The following PLA2G6 variants were observed in gnomAD, a reference collection of about 807,000 sequenced individuals.
The protein encoded by PLA2G6 is phospholipase A2 group VI.
In PLA2G6, 62 loss-of-function variants were observed where a neutral mutation model predicts 83.8. The observed-to-expected ratio is 0.74, with a 90% confidence interval of 0.60 to 0.91. The LOEUF is 0.91. PLA2G6 is among the 40% of genes least tolerant of loss of function. The probability of loss-of-function intolerance (pLI) is 0.00; values close to 1 mark genes in which losing one functional copy is unlikely to be tolerated. For synonymous variants in PLA2G6, 417 were observed against 449.8 expected, an observed-to-expected ratio of 0.93 and a Z score of 0.92; for missense variants, 944 against 1,102.0, an observed-to-expected ratio of 0.86 and a Z score of 2.03.
intron 2 of PLA2G6, 107 bp downstream of exon 2, chr22:38,169,111 C>T: frequency 1.1e-6 from 1 of 874,838 alleles, no homozygotes; most frequent in Non-Finnish European, 1.9e-6. Context: ...CTCTCCAGAC[C>T]CCTCAGACAG....
chr22:38,179,709 G>A (rs1013170988), intron 1 of PLA2G6, among the ~76,000 whole-genome samples: 4 of 152,194 alleles, frequency 2.6e-5, no homozygotes, highest in Non-Finnish European at 5.9e-5. Context: ...GGAGGTGGAG[G>A]TTGCAGTGAG....
At chr22:38,127,770 C>T (rs565107316) in intron 9 of PLA2G6, among the ~76,000 whole-genome samples, 1 of 152,334 alleles carries the variant, frequency 6.6e-6, no homozygotes, top group Admixed American at 6.5e-5. Context: ...AAGGAATGCA[C>T]CGGGGCAGAT....
In PLA2G6 at chr22:38,123,167, C is replaced by T; in HGVS notation, c.1519G>A (p.Ala507Thr). ...LIAIEKASGV[A>T]TKDLFDWVAG... Reference sequence around the variant, plus strand: ...ACCCAGTCAAACAGGTCCTTGGTGGCCACACCCGAGGCCTTCTCGATGGCG... The same window carrying T: ...ACCCAGTCAAACAGGTCCTTGGTGGTCACACCCGAGGCCTTCTCGATGGCG... The change falls in exon 11 of 17, where the codon GCC (alanine) becomes ACC (threonine). Residue 507 changes from alanine to threonine, a missense_variant. By Grantham distance (58) the Ala-to-Thr change is moderately conservative (BLOSUM62 0). Coordinates refer to ENST00000332509, the MANE Select transcript of PLA2G6 (RefSeq NM_003560.4). The surrounding 1 kb of genome is among the most constrained non-coding windows in gnomAD (Gnocchi z 4.1). 6.4e-7 allele frequency: 1 copy of T among 1,551,036 alleles called. No homozygotes were observed. Among genetic ancestry groups the T allele is most frequent in the Non-Finnish European group, 8.7e-7 (1 of 1,147,494 alleles).
chr22:38,113,626 G>A lies in PLA2G6; in HGVS notation c.2063C>T (p.Ser688Phe). The A allele has an allele frequency of 6.2e-7, 1 of 1,613,952 alleles. No homozygotes were observed. The highest frequency in any genetic ancestry group is 8.5e-7 in the Non-Finnish European group (1 of 1,180,008). ...KGQANKVKKL[S>F]IVVSLGTGRS... is the part of the protein sequence containing the mutation. ...CCCTGTCCCCAGGGAGACAACGATG[G>A]AGAGTTTCTTCACCTTGTTGGCCTG... The change falls in exon 15 of 17, where the codon TCC (serine) becomes TTC (phenylalanine). Residue 688 changes from serine to phenylalanine, a missense_variant. Ser to Phe is a radical substitution (Grantham distance 155). Transcript: ENST00000332509.
chr22:38,119,645 G>A (rs930865875), intron 12 of PLA2G6, among the ~76,000 whole-genome samples: 6 of 152,050 alleles, frequency 3.9e-5, no homozygotes, highest in African/African-American at 1.4e-4. Flanking sequence ...GGACAACATG[G>A]TGAAACCCCA....
chr22:38,149,542 C>G (rs1305856149), intron 2 of PLA2G6: 1 of 152,136 alleles, frequency 6.6e-6, no homozygotes, highest in Non-Finnish European at 1.5e-5. Context: ...AATAAAAGAT[C>G]TAGCATACAT....
At chr22:38,127,487 G>C (rs2087936216) in intron 9 of PLA2G6, 1 of 1,290,138 alleles carries the variant, frequency 7.8e-7, no homozygotes, top group Non-Finnish European at 1.0e-6. Flanking sequence ...AAGATGGGAG[G>C]TGGAGGGGGA....
intron 10 of PLA2G6, chr22:38,125,660 C>T (rs1263314310): frequency 4.3e-6 from 2 of 470,446 alleles, no homozygotes; most frequent in African/African-American, 4.0e-5. Context: ...TTGAGCAAGT[C>T]ACTTCACCTC....
chr22:38,116,000 G>T (rs2087169660), intron 13 of PLA2G6, 75 bp downstream of exon 13: 2 of 1,561,940 alleles, frequency 1.3e-6, no homozygotes. Context: ...GATGGCAAGT[G>T]CACGACTCCC....
Position 38,115,584 on chromosome 22 carries a change from G to C in PLA2G6, c.1977C>G (p.Asn659Lys), listed in dbSNP as rs201727354. The C allele has an allele frequency of 1.9e-6, 3 of 1,613,302 alleles. No homozygotes were observed. The highest frequency in any genetic ancestry group is 2.5e-6 in the Non-Finnish European group (3 of 1,179,884). Residue 659 changes from asparagine (N) to lysine (K), a missense_variant, in exon 14 of 17, where the codon AAC becomes AAG. Transcript: ENST00000332509. ...TCTCGGTCATGGCATCCAGCGTGGG[G>C]TTGTTGGCCAGCAGCCCACCGTCCA... ...RFLDGGLLANNPTLDAMTEIH... is the reference protein window; with the variant it reads ...RFLDGGLLANKPTLDAMTEIH...
rs979868171 is a variant in PLA2G6, at chr22:38,128,382, T to C, written c.1235A>G (p.Glu412Gly). 6.2e-7 allele frequency: 1 copy of C among 1,613,972 alleles called. No individual in the cohort carries two copies. The stretch of plus-strand genomic sequence containing the variant: ...CCCGTGGATGGGTGGGAAGCAGTAT[T>C]CGGCCCCCACGGTTCTCAGCAGAGT... ...ILTLLRTVGA[E>G]YCFPPIHGVP... Residue 412 changes from glutamate to glycine, a missense_variant, in exon 9 of 17, where the codon GAA (glutamate) becomes GGA (glycine). By Grantham distance (98) the Glu-to-Gly change is moderately conservative. Coordinates refer to ENST00000332509, the MANE Select transcript of PLA2G6 (RefSeq NM_003560.4). The surrounding 1 kb of genome is among the most constrained non-coding windows in gnomAD (Gnocchi z 4.4).
chr22:38,145,427 C>T lies in PLA2G6; in HGVS notation c.425+11G>A, dbSNP rs1424647312. 3 of 1,596,378 alleles carry T rather than the reference C, an allele frequency of 1.9e-6. No individual in the cohort carries two copies. Among genetic ancestry groups the T allele is most frequent in the African/African-American group, 1.3e-5 (1 of 74,760 alleles). On this transcript the variant is annotated intron_variant, in intron 3 of 16. Coordinates refer to ENST00000332509, the MANE Select transcript of PLA2G6 (RefSeq NM_003560.4). ...CACACGTTGTCCAAATGGTCTTGTT[C>T]CCTTGCTCACCTGATGATACGGCTG...
chr22:38,128,762 T>G lies in PLA2G6; in HGVS notation c.1187-332A>C, dbSNP rs143252668. ...CACATTCAGTGATTCTCAAAAATGC[T>G]AAGTGATAGTTCAGGGTTCCAAAGG... is the stretch of plus-strand genomic sequence containing the variant. On this transcript the variant is annotated intron_variant, in intron 8 of 16. Coordinates refer to ENST00000332509, the MANE Select transcript of PLA2G6 (RefSeq NM_003560.4). This position sits in a 1 kb window ranked among gnomAD's most constrained non-coding sequence, Gnocchi z 4.4. Among the ~76,000 whole-genome samples, 1,000 of 152,346 alleles carry G rather than the reference T, an allele frequency of 6.6e-3. 13 individuals carry two copies. Among genetic ancestry groups the G allele is most frequent in the African/African-American group, 0.022 (923 of 41,582 alleles).
At chr22:38,114,952 C>A (rs1049153830) in intron 14 of PLA2G6, among the ~76,000 whole-genome samples, 2 of 152,214 alleles carry the variant, frequency 1.3e-5, no homozygotes, top group South Asian at 2.1e-4. Context: ...GGTCACCCAC[C>A]GCCCGCCACG....
In PLA2G6 at chr22:38,112,671, G is replaced by T. The variant is rs536568059; in HGVS notation, c.2203-94C>A. On this transcript the variant is annotated intron_variant, in intron 15 of 16. Coordinates refer to ENST00000332509, the MANE Select transcript of PLA2G6 (RefSeq NM_003560.4). ...CCCTGCACTCTCGGAGCCCCAGCCT[G>T]GGGAGCCCCAGGCTCTTTCGAGTCA... 34 of 1,089,362 alleles carry T rather than the reference G, an allele frequency of 3.1e-5. No individual in the cohort carries two copies. In the South Asian group the frequency reaches 4.4e-4, roughly 14 times the overall value. 67.5% of individuals were successfully genotyped at this position (1,089,362 alleles called of 1,614,324 possible).
At chr22:38,136,632 T>C (rs2088569247) in intron 5 of PLA2G6, 2 of 151,268 alleles carry the variant, frequency 1.3e-5, no homozygotes. Flanking sequence ...GCAAATTTTA[T>C]GTTATATATA....
chr22:38,175,814 CTTTGA>C (rs1459795423), intron 1 of PLA2G6, among the ~76,000 whole-genome samples: 3 of 152,274 alleles, frequency 2.0e-5, no homozygotes, highest in Admixed American at 1.3e-4. Context: ...ACCCAACCCG[CTTTGA>C]TTTGTTTCCC....
intron 2 of PLA2G6, chr22:38,148,022 TG>T (rs1450472108): frequency 6.2e-6 from 1 of 162,422 alleles, no homozygotes; most frequent in Admixed American, 5.9e-5. Flanking sequence ...TGCCCTTGGC[TG>T]GGTTTTTCCT....
At chr22:38,148,309 G>A (rs2089381765) in intron 2 of PLA2G6, 1 of 565,024 alleles carries the variant, frequency 1.8e-6, no homozygotes, top group Admixed American at 3.2e-5. Flanking sequence ...TGGGGAAAGT[G>A]TAATCAGGCA....
Sources: gnomAD v4.1 joint callset for allele counts (sites outside exome capture counted in the v4.1 genomes callset) on GRCh38, gnomAD v4.1.1 for gene constraint, Gnocchi (gnomAD v3.1) non-coding constraint, MANE v1.5 for transcripts, NCBI Gene and HGNC (gene_info 2026-07-23, HGNC 2026-07-21) for gene names.